APC: variants seen among roughly 807,000 people sequenced by gnomAD.
The protein encoded by APC is APC regulator of Wnt signaling pathway.
Under a neutral mutation model 247.0 loss-of-function variants are expected in APC, and 72 were observed. That is an observed-to-expected ratio of 0.29 (90% CI 0.24 to 0.35). The LOEUF (loss-of-function observed/expected upper bound fraction) is 0.35. Ranked by LOEUF, APC falls within the 10% of genes least tolerant of loss-of-function variation. The pLI, the probability that APC is intolerant of heterozygous loss-of-function variation, is 1.00. For missense variants in APC, 3,400 were observed against 3,360.7 expected (o/e 1.01, Z -0.29); for synonymous variants, 1,254 against 1,162.5 (o/e 1.08, Z -1.60).
chr5:112,841,426 G>A lies in APC; in HGVS notation c.5832G>A (p.Gly1944=), dbSNP rs1286149699. 6.2e-7 allele frequency: 1 copy of A among 1,613,874 alleles called. No individual in the cohort carries two copies. The change falls in exon 16 of 16, where the codon GGG becomes GGA. Residue 1944 remains glycine, a synonymous_variant. Coordinates refer to ENST00000257430, the MANE Select transcript of APC (RefSeq NM_000038.6). The surrounding 1 kb of genome is among the most constrained non-coding windows in gnomAD (Gnocchi z 4.6). ...PQSSKDIPDR[G]AATDEKLQNF... is the part of the protein sequence containing the mutation. ...CATCCAAAGACATACCAGACAGAGG[G>A]GCAGCAACTGATGAAAAGTTACAGA...
chr5:112,761,131 C>T (rs1335161344), intron 2 of APC, among the ~76,000 whole-genome samples: 2 of 152,100 alleles, frequency 1.3e-5, no homozygotes, highest in Non-Finnish European at 2.9e-5. Flanking sequence ...TTTTTAGTTG[C>T]TAATTGGATT....
At chr5:112,720,417 T>TA (rs931728154) in intron 1 of APC, among the ~76,000 whole-genome samples, 25 of 152,244 alleles carry the variant, frequency 1.6e-4, no homozygotes, top group African/African-American at 4.6e-4. Context: ...CACTTGCCTT[T>TA]AAAAAACTGA....
chr5:112,802,437 A>G lies in APC; in HGVS notation c.834+1054A>G, dbSNP rs1760927123. ...TTGCAACATTTATATATTCCTACAC[A>G]TATGTAGAAGGAAGAAAAATTTAAT... On this transcript the variant is annotated intron_variant, in intron 8 of 15. Coordinates refer to ENST00000257430, the MANE Select transcript of APC (RefSeq NM_000038.6). Among the ~76,000 whole-genome samples, 3 of 152,102 alleles carry G rather than the reference A, an allele frequency of 2.0e-5. 1 individual carries two copies. The highest frequency in any genetic ancestry group is 4.1e-4 in the South Asian group (2 of 4,836).
intron 9 of APC, among the ~76,000 whole-genome samples, chr5:112,817,613 A>G (rs1762644588): frequency 6.6e-6 from 1 of 152,230 alleles, no homozygotes; most frequent in Non-Finnish European, 1.5e-5. Context: ...AATATTCAAG[A>G]GTAATATTGT....
At chr5:112,761,168 A>G (rs760408858) in intron 2 of APC, among the ~76,000 whole-genome samples, 7 of 152,204 alleles carry the variant, frequency 4.6e-5, no homozygotes, top group African/African-American at 7.2e-5. Flanking sequence ...AACAATGGAA[A>G]AGGCAGACTC....
chr5:112,753,482 C>T (rs78192956), intron 1 of APC, among the ~76,000 whole-genome samples: 17 of 152,186 alleles, frequency 1.1e-4, no homozygotes, highest in Non-Finnish European at 2.2e-4. Flanking sequence ...TGTAAGTGTT[C>T]ATTTACAAAT....
intron 8 of APC, among the ~76,000 whole-genome samples, chr5:112,805,747 GA>G (rs1164086361): frequency 6.6e-6 from 1 of 152,174 alleles, no homozygotes; most frequent in Non-Finnish European, 1.5e-5. Flanking sequence ...AGTTGAAAAT[GA>G]AAATCAGTCT....
At chr5:112,810,764 A>G (rs1761904290) in intron 8 of APC, among the ~76,000 whole-genome samples, 1 of 152,212 alleles carries the variant, frequency 6.6e-6, no homozygotes, top group Non-Finnish European at 1.5e-5. Context: ...AACCTGAAAT[A>G]CATGCTGGAT....
At position 112,819,103 on chromosome 5, in the gene APC, C is replaced by T. The variant is rs1114167600; in HGVS notation, c.1071C>T (p.Ile357=). The T allele has an allele frequency of 6.2e-7, 1 of 1,614,086 alleles. No individual in the cohort carries two copies. The part of the protein sequence containing the change: ...MRQSGCLPLL[I]QLLHGNDKDS... ...AGTCTGGATGTCTTCCTCTCCTCATCCAGCTTTTACATGGCAATGACAAAG... is the reference window on the plus strand; with the variant it reads ...AGTCTGGATGTCTTCCTCTCCTCATTCAGCTTTTACATGGCAATGACAAAG... Residue 357 remains isoleucine, a synonymous_variant, in exon 10 of 16, where the codon ATC becomes ATT. Transcript: ENST00000257430.
chr5:112,799,386 C>G (rs1322264282), intron 7 of APC, among the ~76,000 whole-genome samples: 1 of 151,834 alleles, frequency 6.6e-6, no homozygotes, highest in Non-Finnish European at 1.5e-5. Flanking sequence ...AGTAATACTC[C>G]ACACCAGACC....
intron 1 of APC, among the ~76,000 whole-genome samples, chr5:112,717,011 T>TA (rs1751211297): frequency 6.6e-6 from 1 of 152,098 alleles, no homozygotes; most frequent in Non-Finnish European, 1.5e-5. Flanking sequence ...TTTGTTTGTT[T>TA]GTTGTTGTTG....
chr5:112,710,372 A>G (rs1734246), intron 1 of APC, among the ~76,000 whole-genome samples: 11,436 of 151,972 alleles, frequency 0.075, 473 homozygotes, highest in Middle Eastern at 0.14. Flanking sequence ...TTTCCACTTC[A>G]CTTTTTTCAT....
At position 112,727,336 on chromosome 5, in the gene APC, G is replaced by T. The variant is rs1751843812; in HGVS notation, c.165+19454G>T. Among the ~76,000 whole-genome samples the T allele has an allele frequency of 2.0e-5, 3 of 152,054 alleles. No homozygotes were observed. In the South Asian group the frequency reaches 6.2e-4, roughly 32 times the overall value. On this transcript the variant is annotated intron_variant, in intron 1 of 13. Coordinates refer to the APC transcript ENST00000507379. Reference sequence around the variant, plus strand: ...AAGACTTTCAAAAAGGAAGAAAATGGTATAGCATTAGGCAATGCCATCTGC... The same window carrying T: ...AAGACTTTCAAAAAGGAAGAAAATGTTATAGCATTAGGCAATGCCATCTGC...
intron 4 of APC, among the ~76,000 whole-genome samples, chr5:112,769,108 G>A (rs567331207): frequency 7.6e-6 from 1 of 132,030 alleles, no homozygotes; most frequent in East Asian, 2.4e-4. Context: ...CTAGAGTGCA[G>A]TGGCGCAATC....
At chr5:112,813,035 C>A (rs923228402) in intron 8 of APC, among the ~76,000 whole-genome samples, 1 of 152,154 alleles carries the variant, frequency 6.6e-6, no homozygotes, top group African/African-American at 2.4e-5. Context: ...GAAAGGGGAG[C>A]CACTCTGGAC....
At chr5:112,736,112 C>CA (rs1190219107), upstream of APC, among the ~76,000 whole-genome samples, 4 of 152,036 alleles carry the variant, frequency 2.6e-5, no homozygotes, top group Admixed American at 2.6e-4. Flanking sequence ...GAATTTGTCA[C>CA]AAAAAATGAC....
Position 112,842,145 on chromosome 5 carries a change from A to C in APC, c.6551A>C (p.Glu2184Ala). ...STLETKKIES[E>A]SKGIKGGKKV... ...TTGGAAACTAAAAAGATAGAATCTG[A>C]AAGTAAAGGAATCAAAGGAGGAAAA... Residue 2184 changes from glutamate to alanine, a missense_variant, in exon 16 of 16, where the codon GAA becomes GCA. Around this residue, in one of 9 missense-constraint regions of APC, gnomAD observed 1,788 missense variants for 1,649.5 expected, o/e 1.08. Transcript: ENST00000257430. The C allele has an allele frequency of 6.2e-7, 1 of 1,611,908 alleles. No individual in the cohort carries two copies. Among genetic ancestry groups the C allele is most frequent in the Non-Finnish European group, 8.5e-7 (1 of 1,178,774 alleles).
intron 4 of APC, among the ~76,000 whole-genome samples, chr5:112,769,038 CT>C (rs1030758934): frequency 3.9e-5 from 5 of 127,700 alleles, no homozygotes; most frequent in African/African-American, 6.0e-5. Context: ...GTAAATTTTT[CT>C]TTTTTTTCTT....
At chr5:112,826,552 T>G (rs1410457440) in intron 11 of APC, among the ~76,000 whole-genome samples, 1 of 147,516 alleles carries the variant, frequency 6.8e-6, no homozygotes, top group Non-Finnish European at 1.5e-5. Flanking sequence ...TAGTTTTATA[T>G]AACTTAATAA....
Sources: allele counts gnomAD v4.1 joint callset (sites outside exome capture counted in the v4.1 genomes callset), GRCh38; gene constraint gnomAD v4.1.1; regional missense constraint gnomAD v4.1.1; non-coding constraint Gnocchi (gnomAD v3.1); transcripts MANE v1.5; gene names NCBI Gene and HGNC (gene_info 2026-07-23, HGNC 2026-07-21).